TP63: variants seen among roughly 807,000 people sequenced by gnomAD.
TP63 encodes tumor protein p63.
In TP63, 17 loss-of-function variants were observed where a neutral mutation model predicts 82.8. The observed-to-expected ratio is 0.21, with a 90% confidence interval of 0.14 to 0.31. TP63 has a LOEUF of 0.31. Among genes scored for constraint, TP63 ranks in the 10% least tolerant of loss-of-function variants. The pLI, the probability that TP63 is intolerant of heterozygous loss-of-function variation, is 1.00. For missense variants in TP63, 648 were observed against 895.3 expected (o/e 0.72, Z 3.52); for synonymous variants, 330 against 321.7 (o/e 1.03, Z -0.28).
chr3:189,873,104 T>C, intron 10 of TP63, 109 bp downstream of exon 10: 3 of 1,552,574 alleles, frequency 1.9e-6, no homozygotes, highest in Non-Finnish European at 2.7e-6. Context: ...AGATAGCAGA[T>C]TGTCATAGAT....
chr3:189,724,573 C>G (rs1243962833), intron 1 of TP63, among the ~76,000 whole-genome samples: 1 of 152,178 alleles, frequency 6.6e-6, no homozygotes, highest in Non-Finnish European at 1.5e-5. Context: ...AGAACATATG[C>G]TGTTTGTTTT....
intron 1 of TP63, among the ~76,000 whole-genome samples, chr3:189,731,752 A>AT (rs1301759892): frequency 1.3e-5 from 2 of 152,166 alleles, no homozygotes; most frequent in African/African-American, 4.8e-5. Context: ...GAAAAAAAAA[A>AT]TTGACTTCGG....
chr3:189,887,465 A>G (rs1720573183), intron 11 of TP63, among the ~76,000 whole-genome samples: 1 of 152,144 alleles, frequency 6.6e-6, no homozygotes, highest in Non-Finnish European at 1.5e-5. Context: ...CACATTCCTC[A>G]TATCAGCTAA....
intron 1 of TP63, among the ~76,000 whole-genome samples, chr3:189,641,133 TTAG>T (rs1292039136): frequency 3.3e-5 from 5 of 152,114 alleles, no homozygotes; most frequent in South Asian, 2.1e-4. Context: ...CATTGTAAAC[TTAG>T]TAGTTGAGTT....
chr3:189,622,097 A>G, the TP63 span, among the ~76,000 whole-genome samples: 6 of 152,194 alleles, frequency 3.9e-5, no homozygotes, highest in Non-Finnish European at 7.4e-5. Flanking sequence ...CCACCCCCAC[A>G]TGCTTAAACG....
chr3:189,627,283 A>G (rs988108997), upstream of TP63, among the ~76,000 whole-genome samples: 6 of 152,222 alleles, frequency 3.9e-5, no homozygotes, highest in Non-Finnish European at 7.3e-5. Context: ...ATAATTGTGT[A>G]TCTAAGACCA....
Position 189,724,332 on chromosome 3 carries a change from G to T in TP63, c.63-13408G>T, listed in dbSNP as rs150830816. Among the ~76,000 whole-genome samples, 756 of 152,148 alleles carry T rather than the reference G, an allele frequency of 5.0e-3. 8 individuals carry two copies. The highest frequency in any genetic ancestry group is 0.018 in the African/African-American group (728 of 41,520). On this transcript the variant is annotated intron_variant, in intron 1 of 13. Coordinates refer to ENST00000264731, the MANE Select transcript of TP63 (RefSeq NM_003722.5). ...TATATTATATTTAATTCTTAATAAT[G>T]ATTTATTTTCATAGGTTATTGGGGA...
At chr3:189,668,191 G>T (rs902453171) in intron 1 of TP63, among the ~76,000 whole-genome samples, 6 of 151,810 alleles carry the variant, frequency 4.0e-5, no homozygotes, top group Non-Finnish European at 7.4e-5. Context: ...GGCTATGATA[G>T]AGCTACTTAT....
rs1275560547 is a variant in TP63, at chr3:189,682,549, AAAAAATATATATATATATATATATATAT to A, written c.62+50974_62+51001del. ...TGGTCCTAAGGGGAAAAAAAAAAAA[AAAAAATATATATATATATATATATATAT>A]ATATATATATATATATATCCTATTC... On this transcript the variant is annotated intron_variant, in intron 1 of 13. Transcript: ENST00000264731. Among the ~76,000 whole-genome samples, 147 of 30,354 alleles carry A rather than the reference AAAAAATATATATATATATATATATATAT, an allele frequency of 4.8e-3. 3 individuals are homozygous for A. The highest frequency in any genetic ancestry group is 0.023 in the Middle Eastern group (2 of 88). 19.9% of individuals were successfully genotyped at this position (30,354 alleles called of 152,430 possible). A position where few individuals can be genotyped will look rare whatever the true frequency, so the allele number is the denominator to read the frequency against.
At chr3:189,796,062 T>TTC in intron 3 of TP63, among the ~76,000 whole-genome samples, 1 of 152,168 alleles carries the variant, frequency 6.6e-6, no homozygotes, top group East Asian at 1.9e-4. Context: ...CAGAAGTCTT[T>TTC]TCTCTGGTCA....
At chr3:189,632,420 A>G (rs567257672) in intron 1 of TP63, among the ~76,000 whole-genome samples, 1 of 152,258 alleles carries the variant, frequency 6.6e-6, no homozygotes, top group South Asian at 2.1e-4. Context: ...CTAGAAGCAG[A>G]TTCTGCTCTC....
At chr3:189,612,527 T>C in the TP63 span, among the ~76,000 whole-genome samples, 1 of 152,206 alleles carries the variant, frequency 6.6e-6, no homozygotes, top group South Asian at 2.1e-4. Context: ...TGAGTATGTC[T>C]ATCAGCAGCG....
At chr3:189,840,362 T>TTTTTTTTTTTTTTTTTTTTTTTTC (rs1713861928) in intron 4 of TP63, among the ~76,000 whole-genome samples, 1 of 92,934 alleles carries the variant, frequency 1.1e-5, no homozygotes, top group Non-Finnish European at 2.2e-5. Context: ...TTTTCGTCTT[T>TTTTTTTTTTTTTTTTTTTTTTTTC]TTTTTTTTTT....
intron 3 of TP63, among the ~76,000 whole-genome samples, chr3:189,804,985 C>A (rs1222936836): frequency 1.3e-5 from 2 of 152,172 alleles, no homozygotes; most frequent in Non-Finnish European, 2.9e-5. Flanking sequence ...GCATTGGTAA[C>A]AAATCTTGTT....
intron 1 of TP63, among the ~76,000 whole-genome samples, chr3:189,662,217 A>G (rs181391788): frequency 3.4e-4 from 52 of 152,104 alleles, no homozygotes; most frequent in African/African-American, 1.1e-3. Flanking sequence ...ATAAACATTC[A>G]TCTTAATCCT....
At chr3:189,714,842 T>G (rs1268141807) in intron 1 of TP63, among the ~76,000 whole-genome samples, 1 of 152,112 alleles carries the variant, frequency 6.6e-6, no homozygotes, top group Admixed American at 6.6e-5. Flanking sequence ...TTTTTTAAAG[T>G]GCTGTCTAAA....
chr3:189,862,671 T>G (rs1035134631), intron 4 of TP63, among the ~76,000 whole-genome samples: 7 of 152,234 alleles, frequency 4.6e-5, no homozygotes, highest in Non-Finnish European at 1.0e-4. Flanking sequence ...GATATGCTTA[T>G]TTTCTTCAAG....
chr3:189,771,385 T>C (rs924762011), intron 3 of TP63, among the ~76,000 whole-genome samples: 17 of 137,896 alleles, frequency 1.2e-4, no homozygotes, highest in Admixed American at 1.6e-4. Context: ...ATAGACTATA[T>C]TATATATTAA....
At chr3:189,691,355 A>AAAAAAAAAAAAAAAAAAAG (rs1553813522) in intron 1 of TP63, among the ~76,000 whole-genome samples, 13 of 143,918 alleles carry the variant, frequency 9.0e-5, no homozygotes, top group Non-Finnish European at 1.5e-4. Context: ...AAAAAAAAAA[A>AAAAAAAAAAAAAAAAAAAG]AAAAAGAAAA....
Sources: gnomAD v4.1 joint callset for allele counts (sites outside exome capture counted in the v4.1 genomes callset) on GRCh38, gnomAD v4.1.1 for gene constraint, MANE v1.5 for transcripts, NCBI Gene and HGNC (gene_info 2026-07-23, HGNC 2026-07-21) for gene names.